The following TJP1 variants were observed in gnomAD, a reference collection of about 807,000 sequenced individuals.
The protein encoded by TJP1 is tight junction protein 1.
TJP1 carries 43 observed loss-of-function variants against 194.2 expected under a neutral mutation model. That is an observed-to-expected ratio of 0.22 (90% CI 0.17 to 0.29). The LOEUF is 0.29. TJP1 is among the 10% of genes least tolerant of loss of function. The pLI is 1.00. For missense variants in TJP1, 1,971 were observed against 2,185.7 expected, an observed-to-expected ratio of 0.90 and a Z score of 1.96; for synonymous variants, 801 against 779.0, an observed-to-expected ratio of 1.03 and a Z score of -0.47.
chr15:29,926,446 C>CA (rs1423174992), intron 2 of TJP1, among the ~76,000 whole-genome samples: 1 of 151,720 alleles, frequency 6.6e-6, no homozygotes, highest in Non-Finnish European at 1.5e-5. Context: ...ACCGTCTCTA[C>CA]AAAAAAATGC....
chr15:29,858,830 T>C (rs1421992791), intron 2 of TJP1, among the ~76,000 whole-genome samples: 1 of 152,086 alleles, frequency 6.6e-6, no homozygotes, highest in Admixed American at 6.6e-5. Context: ...TACAGGCCTG[T>C]GCCACCATTT....
chr15:29,716,976 A>C, intron 22 of TJP1, 138 bp from the exon 23 acceptor site: 1 of 733,562 alleles, frequency 1.4e-6, no homozygotes, highest in Admixed American at 3.0e-5. Flanking sequence ...GAGCAGTCCC[A>C]ACAGTTAAAA....
At chr15:29,818,148 A>C (rs1254342044) in intron 1 of TJP1, among the ~76,000 whole-genome samples, 1 of 152,236 alleles carries the variant, frequency 6.6e-6, no homozygotes, top group Non-Finnish European at 1.5e-5. Flanking sequence ...ACAGCGGGCA[A>C]TACTACTATT....
At chr15:29,790,815 C>T (rs2048030499) in intron 2 of TJP1, among the ~76,000 whole-genome samples, 1 of 148,864 alleles carries the variant, frequency 6.7e-6, no homozygotes, top group African/African-American at 2.5e-5. Context: ...CTGTGCCTGG[C>T]TTATTTCATT....
intron 24 of TJP1, among the ~76,000 whole-genome samples, chr15:29,709,700 T>A (rs944273890): frequency 3.3e-5 from 5 of 152,236 alleles, no homozygotes; most frequent in African/African-American, 4.8e-5. Context: ...TTAAACATGA[T>A]AAAGGACATC....
intron 12 of TJP1, 148 bp downstream of exon 12, chr15:29,734,126 G>A: frequency 5.2e-6 from 3 of 574,266 alleles, no homozygotes. Context: ...GCTCCTAAAT[G>A]ACTTAGAATT....
intron 3 of TJP1, among the ~76,000 whole-genome samples, chr15:29,772,693 T>G (rs2151640316): frequency 6.6e-6 from 1 of 152,348 alleles, no homozygotes; most frequent in South Asian, 2.1e-4. Flanking sequence ...ATTTTCTTTT[T>G]CACTATTTTT....
chr15:29,919,999 AG>A (rs2054306035), intron 2 of TJP1, among the ~76,000 whole-genome samples: 1 of 152,210 alleles, frequency 6.6e-6, no homozygotes, highest in African/African-American at 2.4e-5. Flanking sequence ...CAGGCCCTGA[AG>A]CCATCTAGGC....
chr15:29,875,999 T>A (rs554919772), intron 2 of TJP1, among the ~76,000 whole-genome samples: 1 of 152,308 alleles, frequency 6.6e-6, no homozygotes, highest in African/African-American at 2.4e-5. Context: ...TAGCCACACG[T>A]GACTAATTAA....
chr15:29,766,582 T>C, intron 4 of TJP1, 40 bp from the exon 5 acceptor site: 1 of 1,516,252 alleles, frequency 6.6e-7, no homozygotes, highest in Non-Finnish European at 8.8e-7. Flanking sequence ...TGACTGATTT[T>C]CATATATGTA....
chr15:29,961,230 C>T (rs2056144193), intron 1 of TJP1, among the ~76,000 whole-genome samples: 3 of 152,252 alleles, frequency 2.0e-5, no homozygotes, highest in African/African-American at 4.8e-5. Context: ...GGATTATTCC[C>T]CGCATATTTA....
intron 1 of TJP1, among the ~76,000 whole-genome samples, chr15:29,817,686 G>A (rs1332901833): frequency 3.3e-5 from 5 of 152,170 alleles, no homozygotes; most frequent in Admixed American, 3.3e-4. Flanking sequence ...CCTTTGCAGG[G>A]ACACGGACGA....
rs775921836 is a variant in TJP1 at position 29,800,719 on chromosome 15, AAAAC to A, written c.28-21_28-18del. 53 of 1,612,604 alleles carry A rather than the reference AAAAC, an allele frequency of 3.3e-5. No homozygotes were observed. Among genetic ancestry groups the A allele is most frequent in the Non-Finnish European group, 4.2e-5 (49 of 1,179,498 alleles). ...TGCTGTGCTCTGATAAAGGAAAAGA[AAAAC>A]AAATCATTTACCTTTTAAGAAAATG... On this transcript the variant is annotated intron_variant, in intron 1 of 27. Transcript: ENST00000614355.
At chr15:29,894,450 T>G (rs1411872800) in intron 2 of TJP1, among the ~76,000 whole-genome samples, 1 of 152,092 alleles carries the variant, frequency 6.6e-6, no homozygotes. Context: ...CAGAGCAAGA[T>G]TCTGTCTCAA....
chr15:29,753,223 C>T (rs1359419909), intron 8 of TJP1, among the ~76,000 whole-genome samples: 1 of 151,926 alleles, frequency 6.6e-6, no homozygotes, highest in Non-Finnish European at 1.5e-5. Flanking sequence ...GTGGCTCACG[C>T]CTGTAATCCC....
intron 2 of TJP1, among the ~76,000 whole-genome samples, chr15:29,882,778 G>A (rs1263880145): frequency 1.3e-5 from 2 of 152,132 alleles, no homozygotes; most frequent in African/African-American, 4.8e-5. Context: ...AAACCTGCTG[G>A]ATCAATCTGG....
chr15:29,968,640 G>C, intron 1 of TJP1: 1 of 1,021,980 alleles, frequency 9.8e-7, no homozygotes, highest in Non-Finnish European at 1.2e-6. Context: ...GCCCGGCTGG[G>C]GCTCCGCGCC....
chr15:29,731,369 T>G (rs1388985576), intron 15 of TJP1, among the ~76,000 whole-genome samples: 1 of 152,218 alleles, frequency 6.6e-6, no homozygotes, highest in East Asian at 1.9e-4. Flanking sequence ...CTTAACTCCC[T>G]TAAGCCCAGA....
intron 2 of TJP1, among the ~76,000 whole-genome samples, chr15:29,942,570 A>G (rs1158844977): frequency 2.0e-5 from 3 of 152,202 alleles, no homozygotes; most frequent in African/African-American, 7.2e-5. Flanking sequence ...GGAACTCCCA[A>G]AGTTATAAAA....
Sources: gnomAD v4.1 joint callset for allele counts (sites outside exome capture counted in the v4.1 genomes callset) on GRCh38, gnomAD v4.1.1 for gene constraint, MANE v1.5 for transcripts, NCBI Gene and HGNC (gene_info 2026-07-23, HGNC 2026-07-21) for gene names.